GABRA3: variants seen among roughly 807,000 people sequenced by gnomAD.
GABRA3 encodes the protein gamma-aminobutyric acid type A receptor subunit alpha3.
GABRA3 carries 10 observed loss-of-function variants against 30.1 expected under a neutral mutation model. The ratio of observed to expected loss-of-function variants is 0.33; its 90% CI spans 0.20 to 0.56. GABRA3 has a LOEUF of 0.56. Ranked by LOEUF, GABRA3 falls within the 20% of genes least tolerant of loss-of-function variation. The probability of loss-of-function intolerance (pLI) is 0.89; values close to 1 mark genes in which losing one functional copy is unlikely to be tolerated. For missense variants in GABRA3, 233 were observed against 392.0 expected (o/e 0.59, Z 3.42); for synonymous variants, 151 against 146.8 (o/e 1.03, Z -0.21).
At chrX:152,182,296 G>A (rs1421610096) in intron 9 of GABRA3, among the ~76,000 whole-genome samples, 4 of 93,626 alleles carry the variant, frequency 4.3e-5, no homozygotes, top group South Asian at 5.1e-4. Flanking sequence ...ATTGCCTGAC[G>A]TGTTATATAT....
rs775311952 is a variant in GABRA3, at chrX:152,212,531, G to A, written c.635-4387C>T. ...ATGACATGACCAGATATAAGCTTGG[G>A]AAGGATCACCCTAGCTGCCGTAAGG... On this transcript the variant is annotated intron_variant, in intron 6 of 9. Transcript: ENST00000370314. Among the ~76,000 whole-genome samples, 3 of 109,337 alleles carry A rather than the reference G, an allele frequency of 2.7e-5. No homozygotes were observed. In the South Asian group the frequency reaches 1.2e-3, roughly 43 times the overall value. The allele number at this position is 109,337 out of a possible 115,157, so 94.9% of individuals were successfully genotyped here. A position where few individuals can be genotyped will look rare whatever the true frequency, so the allele number is the denominator to read the frequency against.
intron 5 of GABRA3, among the ~76,000 whole-genome samples, chrX:152,225,232 G>A (rs931975816): frequency 4.5e-5 from 5 of 110,519 alleles, no homozygotes; most frequent in African/African-American, 1.6e-4. Flanking sequence ...TATTCTGTGA[G>A]TTAACCAATT....
chrX:152,382,846 T>G (rs1929182927), intron 1 of GABRA3, among the ~76,000 whole-genome samples: 1 of 111,719 alleles, frequency 9.0e-6, no homozygotes, highest in Non-Finnish European at 1.9e-5. Context: ...TGGGCTTATT[T>G]CTGGGCTTCC....
chrX:152,236,919 C>T (rs1394525825), intron 5 of GABRA3, among the ~76,000 whole-genome samples: 1 of 103,204 alleles, frequency 9.7e-6, no homozygotes, highest in Non-Finnish European at 2.0e-5. Context: ...GAGTAGGTTG[C>T]GAAAATTTTC....
At chrX:152,182,780 C>CT (rs1569348712) in intron 9 of GABRA3, among the ~76,000 whole-genome samples, 1 of 11,001 alleles carries the variant, frequency 9.1e-5, no homozygotes, top group Non-Finnish European at 2.2e-4. Flanking sequence ...TATATATATA[C>CT]AGTATATATA....
At position 152,446,024 on chromosome X, in the gene GABRA3, G is replaced by C. The variant is rs138620397; in HGVS notation, c.-27+5122C>G. On this transcript the variant is annotated intron_variant, in intron 1 of 9. Coordinates refer to ENST00000370314, the MANE Select transcript of GABRA3 (RefSeq NM_000808.4). ...ACATGACATATAACCTAGTTTTTAA[G>C]TAAGTCACTGCTCCTGTGGACATGA... is the stretch of plus-strand genomic sequence containing the variant. 4.1e-3 allele frequency among the ~76,000 whole-genome samples: 460 copies of C among 112,141 alleles called. 1 individual carries two copies. The highest frequency in any genetic ancestry group is 0.014 in the African/African-American group (423 of 30,827).
At chrX:152,334,863 T>G (rs1013372564) in intron 3 of GABRA3, among the ~76,000 whole-genome samples, 1 of 111,188 alleles carries the variant, frequency 9.0e-6, no homozygotes, top group African/African-American at 3.3e-5. Context: ...CCCACCCACC[T>G]GCCAGCTCAG....
intron 4 of GABRA3, among the ~76,000 whole-genome samples, chrX:152,272,184 A>T (rs1453300485): frequency 5.4e-5 from 6 of 111,890 alleles, no homozygotes; most frequent in Admixed American, 9.4e-5. Flanking sequence ...ATGCACGTGG[A>T]AAAGCTGCAG....
At chrX:152,241,256 A>C (rs773263516) in intron 5 of GABRA3, among the ~76,000 whole-genome samples, 2,645 of 89,231 alleles carry the variant, frequency 0.03, 58 homozygotes, top group Middle Eastern at 0.055. Flanking sequence ...AATACCCTGC[A>C]GTGTGAGGTG....
intron 3 of GABRA3, among the ~76,000 whole-genome samples, chrX:152,336,507 T>G: frequency 8.9e-6 from 1 of 112,340 alleles, no homozygotes; most frequent in East Asian, 2.8e-4. Flanking sequence ...TTTAAATGTA[T>G]AATTTGTCAA....
At chrX:152,177,669 T>C (rs1937092061) in intron 9 of GABRA3, among the ~76,000 whole-genome samples, 1 of 111,728 alleles carries the variant, frequency 9.0e-6, no homozygotes, top group South Asian at 3.7e-4. Context: ...CTGGAAACAG[T>C]AGCAATGCCT....
At chrX:152,447,532 T>A (rs1931118311) in intron 1 of GABRA3, among the ~76,000 whole-genome samples, 1 of 111,946 alleles carries the variant, frequency 8.9e-6, no homozygotes, top group Non-Finnish European at 1.9e-5. Context: ...TTAAAAAACA[T>A]CTGTTAAGCC....
intron 1 of GABRA3, among the ~76,000 whole-genome samples, chrX:152,423,989 T>C (rs903951187): frequency 1.8e-5 from 2 of 111,638 alleles, no homozygotes; most frequent in Admixed American, 1.9e-4. Context: ...AACTAATATA[T>C]TAATTTGAAA....
chrX:152,241,429 A>G (rs1357054807), intron 5 of GABRA3, among the ~76,000 whole-genome samples: 13 of 104,991 alleles, frequency 1.2e-4, no homozygotes, highest in South Asian at 4.2e-4. Context: ...AGGGACACTT[A>G]AGTCTGCAGA....
chrX:152,211,341 C>T (rs1937627084), intron 6 of GABRA3, among the ~76,000 whole-genome samples: 1 of 108,995 alleles, frequency 9.2e-6, no homozygotes, highest in Non-Finnish European at 1.9e-5. Context: ...GCAGATGTGA[C>T]GACAAACTGT....
chrX:152,338,251 T>G (rs1940263131), intron 3 of GABRA3, among the ~76,000 whole-genome samples: 1 of 112,236 alleles, frequency 8.9e-6, no homozygotes, highest in African/African-American at 3.2e-5. Flanking sequence ...GATATATAAC[T>G]GTAGTTTCGA....
chrX:152,218,064 T>G (rs1279195610), intron 6 of GABRA3, among the ~76,000 whole-genome samples: 9 of 109,017 alleles, frequency 8.3e-5, no homozygotes, highest in Admixed American at 2.0e-4. Context: ...AGGTTATTGA[T>G]TTTAGATTTC....
rs184276876 is a variant in GABRA3 at position 152,329,340 on chromosome X, A to C, written c.262+16241T>G. On this transcript the variant is annotated intron_variant, in intron 3 of 9. Transcript: ENST00000370314. ...ATGGCTTTCTTCACAGAATTGGAAA[A>C]AACTACTTTAAAGTTCATATGGAAC... 3.3e-4 allele frequency among the ~76,000 whole-genome samples: 37 copies of C among 111,913 alleles called. No individual in the cohort carries two copies. In the East Asian group the frequency reaches 9.8e-3, roughly 30 times the overall value.
At chrX:152,361,091 T>TAA (rs760348032) in intron 2 of GABRA3, among the ~76,000 whole-genome samples, 3 of 85,450 alleles carry the variant, frequency 3.5e-5, no homozygotes, top group Admixed American at 1.3e-4. Flanking sequence ...ACCACGTCTT[T>TAA]AAAAAAAAAA....
Sources: gnomAD v4.1 joint callset for allele counts (sites outside exome capture counted in the v4.1 genomes callset) on GRCh38, gnomAD v4.1.1 for gene constraint, MANE v1.5 for transcripts, NCBI Gene and HGNC (gene_info 2026-07-23, HGNC 2026-07-21) for gene names.